ARHGAP10: variants seen among roughly 807,000 people sequenced by gnomAD.
The protein encoded by ARHGAP10 is rho GTPase-activating protein 10.
In ARHGAP10, 87 loss-of-function variants were observed where a neutral mutation model predicts 108.6. The ratio of observed to expected loss-of-function variants is 0.80; its 90% CI spans 0.67 to 0.96. The LOEUF (loss-of-function observed/expected upper bound fraction) is 0.96, where lower values mean the gene tolerates loss of function less well. Among genes scored for constraint, ARHGAP10 ranks in the 40% least tolerant of loss-of-function variants. The pLI is 0.00. For missense variants in ARHGAP10, 939 were observed against 954.5 expected (o/e 0.98, Z 0.21); for synonymous variants, 347 against 341.1 (o/e 1.02, Z -0.19).
intron 20 of ARHGAP10, among the ~76,000 whole-genome samples, chr4:148,058,368 C>A (rs912632921): frequency 1.3e-5 from 2 of 152,164 alleles, no homozygotes; most frequent in Non-Finnish European, 1.5e-5. Context: ...TTAGTCACTT[C>A]AAATAAGCAT....
intron 10 of ARHGAP10, among the ~76,000 whole-genome samples, chr4:147,885,115 G>C (rs1013701102): frequency 1.3e-5 from 2 of 151,688 alleles, no homozygotes; most frequent in African/African-American, 4.8e-5. Context: ...TAGCTAGATG[G>C]TACCATTCAC....
At chr4:147,933,630 C>A (rs1266542796) in intron 13 of ARHGAP10, among the ~76,000 whole-genome samples, 1 of 150,786 alleles carries the variant, frequency 6.6e-6, no homozygotes, top group Non-Finnish European at 1.5e-5. Flanking sequence ...TGGCTTTCTG[C>A]CCCAGATGGA....
In ARHGAP10 at chr4:147,923,051, C is replaced by T. The variant is rs576903539; in HGVS notation, c.1228+9912C>T. Among the ~76,000 whole-genome samples, 3 of 152,290 alleles carry T rather than the reference C, an allele frequency of 2.0e-5. No individual in the cohort carries two copies. In the East Asian group the frequency reaches 5.8e-4, roughly 29 times the overall value. On this transcript the variant is annotated intron_variant, in intron 13 of 22. Coordinates refer to ENST00000336498, the MANE Select transcript of ARHGAP10 (RefSeq NM_024605.4). ...TTTTTGCTTCAGTATTCAGATTTGA[C>T]TAAAATTCCATATTGGTAATATTGT...
intron 18 of ARHGAP10, among the ~76,000 whole-genome samples, chr4:148,017,884 A>G (rs772430187): frequency 6.6e-6 from 1 of 152,040 alleles, no homozygotes; most frequent in Non-Finnish European, 1.5e-5. Flanking sequence ...TCATTTCCAC[A>G]TGTGGTCCCT....
At chr4:147,876,939 A>G (rs11734619) in intron 8 of ARHGAP10, among the ~76,000 whole-genome samples, 73,084 of 152,086 alleles carry the variant, frequency 0.48, 20,671 homozygotes, top group Non-Finnish European at 0.63. Flanking sequence ...CAACTACTAA[A>G]TGCTGGAGTT....
At chr4:147,783,137 AACAC>A (rs1257414366) in intron 1 of ARHGAP10, among the ~76,000 whole-genome samples, 4 of 142,290 alleles carry the variant, frequency 2.8e-5, no homozygotes, top group Non-Finnish European at 4.5e-5. Flanking sequence ...TAATTTATAT[AACAC>A]ACATTAAATT....
At chr4:147,960,238 T>C (rs1205724398) in intron 16 of ARHGAP10, among the ~76,000 whole-genome samples, 1 of 152,220 alleles carries the variant, frequency 6.6e-6, no homozygotes, top group Non-Finnish European at 1.5e-5. Flanking sequence ...ATCTAGAAGT[T>C]TTTTTAATGA....
At chr4:147,899,276 C>T (rs1049474532) in intron 10 of ARHGAP10, among the ~76,000 whole-genome samples, 2 of 151,974 alleles carry the variant, frequency 1.3e-5, no homozygotes, top group Non-Finnish European at 2.9e-5. Flanking sequence ...TCCTCTTTGT[C>T]TTGCTGCTCC....
intron 7 of ARHGAP10, among the ~76,000 whole-genome samples, chr4:147,874,360 G>A (rs1053788968): frequency 6.6e-6 from 1 of 152,174 alleles, no homozygotes; most frequent in South Asian, 2.1e-4. Context: ...TGTTTTCGGT[G>A]TAGCCGTTTG....
In ARHGAP10 at chr4:147,959,912, T is replaced by C. The variant is rs930134950; in HGVS notation, c.1450+4538T>C. On this transcript the variant is annotated intron_variant, in intron 16 of 22. Coordinates refer to ENST00000336498, the MANE Select transcript of ARHGAP10 (RefSeq NM_024605.4). ...GTTTTCACTGGAAAAAGATGATTAT[T>C]AATGGCAAGATAGACTCACAAGTTA... Among the ~76,000 whole-genome samples, 7 of 152,328 alleles carry C rather than the reference T, an allele frequency of 4.6e-5. No individual in the cohort carries two copies. The South Asian group carries it at 1.5e-3, about 32-fold the overall frequency.
Position 147,906,644 on chromosome 4 carries a change from C to A in ARHGAP10, c.1041C>A (p.Gly347=), listed in dbSNP as rs61748165. 1.9e-6 allele frequency: 3 copies of A among 1,613,946 alleles called. No individual in the cohort carries two copies. Among genetic ancestry groups the A allele is most frequent in the African/African-American group, 1.3e-5 (1 of 74,988 alleles). ...CFDIEAADRP[G]VSLTMQAFSE... ...TGTTACTGGTGTCTTTCAGGCCTGG[C>A]GTTTCCTTGACCATGCAGGCATTTT... Residue 347 remains glycine (G), a synonymous_variant, in exon 11 of 23, where the codon GGC becomes GGA. Transcript: ENST00000336498.
chr4:147,773,938 C>G lies in ARHGAP10; in HGVS notation c.154+41483C>G, dbSNP rs180686577. On this transcript the variant is annotated intron_variant, in intron 1 of 22. Transcript: ENST00000336498. ...ATATGTCTTGCAGCCATTTGAGAAG[C>G]AGCACATCTGGTTAGAAGCAGAGAC... 4.7e-3 allele frequency among the ~76,000 whole-genome samples: 723 copies of G among 152,268 alleles called. 6 individuals are homozygous for G. The highest frequency in any genetic ancestry group is 0.031 in the Middle Eastern group (9 of 294).
In ARHGAP10 at chr4:147,864,844, A is replaced by G; in HGVS notation, c.487-2A>G. The G allele has an allele frequency of 6.2e-7, 1 of 1,612,474 alleles. No homozygotes were observed. The highest frequency in any genetic ancestry group is 8.5e-7 in the Non-Finnish European group (1 of 1,178,864). ...TGACTAACCTCTGTGATTTTAACAT[A>G]GGCAGATATCCAAGTAGAGCAGAAC... On this transcript the variant is annotated splice_acceptor_variant, in intron 5 of 22. Transcript: ENST00000336498. LOFTEE classifies it high-confidence loss of function.
rs140769099 is a variant in ARHGAP10, at chr4:148,047,052, G to A, written c.2027+1G>A. 1 of 1,613,864 alleles carries A rather than the reference G, an allele frequency of 6.2e-7. No homozygotes were observed. The highest frequency in any genetic ancestry group is 1.3e-5 in the African/African-American group (1 of 74,896). On this transcript the variant is annotated splice_donor_variant, in intron 20 of 22. Transcript: ENST00000336498. LOFTEE classifies it high-confidence loss of function. ...GCTTTGGAGACTGGGCATCCACTAT[G>A]TAAGTAACCGTGCTTCTGTTGGGTG...
At chr4:147,741,767 TACAC>T (rs369661175) in intron 1 of ARHGAP10, among the ~76,000 whole-genome samples, 1,579 of 134,650 alleles carry the variant, frequency 0.012, 12 homozygotes, top group East Asian at 0.043. Context: ...TCGTTCTCTT[TACAC>T]ACACACACAC....
At chr4:147,860,435 AAAAAC>A (rs112437404) in intron 5 of ARHGAP10, among the ~76,000 whole-genome samples, 2,495 of 151,892 alleles carry the variant, frequency 0.016, 56 homozygotes, top group Admixed American at 0.056. Flanking sequence ...GCTCCGTCTC[AAAAAC>A]AAAACAAAAC....
chr4:147,898,056 T>C (rs1277940237), intron 10 of ARHGAP10, among the ~76,000 whole-genome samples: 3 of 152,182 alleles, frequency 2.0e-5, no homozygotes, highest in Admixed American at 6.5e-5. Context: ...GGTTTCACCA[T>C]GTTATCTAGA....
chr4:148,002,830 G>C (rs938152639), intron 18 of ARHGAP10, among the ~76,000 whole-genome samples: 3 of 152,016 alleles, frequency 2.0e-5, no homozygotes, highest in African/African-American at 7.2e-5. Flanking sequence ...CTTGCTAGTG[G>C]TCTATCAATT....
intron 7 of ARHGAP10, among the ~76,000 whole-genome samples, chr4:147,871,985 C>T (rs114803294): frequency 5.9e-5 from 9 of 151,872 alleles, no homozygotes; most frequent in African/African-American, 2.2e-4. Flanking sequence ...TGTGAGTAGT[C>T]CCTGTACTCG....
Sources: gnomAD v4.1 joint callset for allele counts (sites outside exome capture counted in the v4.1 genomes callset) on GRCh38, gnomAD v4.1.1 for gene constraint, MANE v1.5 for transcripts, NCBI Gene and HGNC (gene_info 2026-07-23, HGNC 2026-07-21) for gene names.